Variants in PITPNM1 observed in about 807,000 individuals in gnomAD.
PITPNM1 encodes the protein membrane-associated phosphatidylinositol transfer protein 1.
Under a neutral mutation model 133.3 loss-of-function variants are expected in PITPNM1, and 74 were observed. The ratio of observed to expected loss-of-function variants is 0.56; its 90% CI spans 0.46 to 0.67. PITPNM1 has a LOEUF of 0.67. Among genes scored for constraint, PITPNM1 ranks in the 30% least tolerant of loss-of-function variants. The pLI is 0.00. For synonymous variants in PITPNM1, 738 were observed against 741.4 expected (o/e 1.00, Z 0.08); for missense variants, 1,398 against 1,739.5 (o/e 0.80, Z 3.49).
rs769771394 is a variant in PITPNM1, at chr11:67,493,051, G to A, written c.3354C>T (p.Asn1118=). The A allele has an allele frequency of 1.2e-6, 2 of 1,613,016 alleles. No homozygotes were observed. The highest frequency in any genetic ancestry group is 1.1e-5 in the South Asian group (1 of 91,092). ...TGGGAGACCCATAACCGGCCACGAT[G>A]TTCAGTTCTACCTGTGGCGGGAGAT... ...LQSLVQEVEL[N]IVAGYGSPKD... is the part of the protein sequence containing the mutation. Residue 1118 remains asparagine (N), a synonymous_variant, in exon 23 of 24, where the codon AAC becomes AAT. Transcript: ENST00000356404.
At position 67,498,938 on chromosome 11, in the gene PITPNM1, G is replaced by A. The variant is rs746993778; in HGVS notation, c.1233+2C>T. Reference sequence around the variant, plus strand: ...TGACATGGGGTGGCTGACCATACTCGCCTCTGAGTCCCTGGGTGCTTGGGC... The same window carrying A: ...TGACATGGGGTGGCTGACCATACTCACCTCTGAGTCCCTGGGTGCTTGGGC... On this transcript the variant is annotated splice_donor_variant, in intron 9 of 23. Transcript: ENST00000356404. LOFTEE classifies it low-confidence loss of function (GC_TO_GT_DONOR). This position sits in a 1 kb window ranked among gnomAD's most constrained non-coding sequence, Gnocchi z 5.7. 37 of 1,612,490 alleles carry A rather than the reference G, an allele frequency of 2.3e-5. No individual in the cohort carries two copies. The highest frequency in any genetic ancestry group is 7.7e-5 in the South Asian group (7 of 91,028).
chr11:67,492,347 C>T (rs551757628), intron 23 of PITPNM1, 51 bp from the exon 24 acceptor site: 36 of 1,490,798 alleles, frequency 2.4e-5, no homozygotes, highest in South Asian at 4.1e-5. Context: ...AGGGCCCACA[C>T]GCTGCCCTCC....
At chr11:67,501,486 C>T (rs1438338378) in intron 5 of PITPNM1, among the ~76,000 whole-genome samples, 3 of 152,146 alleles carry the variant, frequency 2.0e-5, no homozygotes, top group Non-Finnish European at 4.4e-5. Flanking sequence ...GTGGGGAATC[C>T]CAGAGAGAAT....
At chr11:67,492,884 G>A (rs1156835443) in intron 23 of PITPNM1, 50 bp downstream of exon 23, 1 of 1,586,228 alleles carries the variant, frequency 6.3e-7, no homozygotes, top group African/African-American at 1.3e-5. Context: ...TGGGACTGAG[G>A]GCCCTGCCCC....
In PITPNM1 at chr11:67,500,423, T is replaced by G. The variant is rs1466411443; in HGVS notation, c.641-2A>C. ...CCCGCAGCATCACCCGACGCAGACC[T>G]GCAGGTGCCCAGGCGTCAGAACTGC... On this transcript the variant is annotated splice_acceptor_variant, in intron 5 of 23. Transcript: ENST00000356404. LOFTEE classifies it high-confidence loss of function. 1 of 1,605,736 alleles carries G rather than the reference T, an allele frequency of 6.2e-7. No individual in the cohort carries two copies. The highest frequency in any genetic ancestry group is 1.1e-5 in the South Asian group (1 of 90,920).
intron 8 of PITPNM1, among the ~76,000 whole-genome samples, chr11:67,499,240 C>T (rs1196970579): frequency 2.0e-5 from 3 of 152,172 alleles, no homozygotes; most frequent in Non-Finnish European, 4.4e-5. Flanking sequence ...GCAAACTTCT[C>T]TAACCCTGCC....
At chr11:67,497,152 TGA>T (rs1866145682) in intron 14 of PITPNM1, 77 bp downstream of exon 14, 1 of 1,214,682 alleles carries the variant, frequency 8.2e-7, no homozygotes, top group African/African-American at 1.5e-5. Flanking sequence ...ATGCCTCGGA[TGA>T]GAGGGAAGGC....
chr11:67,496,412 A>C, intron 14 of PITPNM1, 64 bp from the exon 15 acceptor site: 2 of 1,465,088 alleles, frequency 1.4e-6, no homozygotes, highest in Non-Finnish European at 1.8e-6. Flanking sequence ...TCTGGGAGGT[A>C]GGGGGTGTGG....
At position 67,493,984 on chromosome 11, in the gene PITPNM1, G is replaced by A; in HGVS notation, c.2946C>T (p.Thr982=). 6.2e-7 allele frequency: 1 copy of A among 1,612,024 alleles called. No individual in the cohort carries two copies. Among genetic ancestry groups the A allele is most frequent in the Non-Finnish European group, 8.5e-7 (1 of 1,179,618 alleles). The change falls in exon 20 of 24, where the codon ACC becomes ACT. Residue 982 remains threonine (T), a synonymous_variant. Coordinates refer to ENST00000356404, the MANE Select transcript of PITPNM1 (RefSeq NM_004910.3). ...GCGCGCGTTCTGGGGGAACTGGGAA[G>A]GTGAGGCGGCCCGAGCTATTGGTGA... The part of the protein sequence containing the change: ...TEVTNSSGRL[T]FPVPPERALG...
Position 67,498,942 on chromosome 11 carries a change from C to G in PITPNM1, c.1231G>C (p.Glu411Gln). The G allele has an allele frequency of 6.2e-7, 1 of 1,612,862 alleles. No individual in the cohort carries two copies. Among genetic ancestry groups the G allele is most frequent in the African/African-American group, 1.3e-5 (1 of 75,012 alleles). ...ATGGGGTGGCTGACCATACTCGCCTCTGAGTCCCTGGGTGCTTGGGCCCCA... is the reference window on the plus strand; with the variant it reads ...ATGGGGTGGCTGACCATACTCGCCTGTGAGTCCCTGGGTGCTTGGGCCCCA... Reference protein sequence around the residue: ...EDGAQAPRDSEGLDGAGELGA... With the variant: ...EDGAQAPRDSQGLDGAGELGA... The change falls in exon 9 of 24, where the codon GAG (glutamate) becomes CAG (glutamine). Residue 411 changes from glutamate to glutamine, a missense_variant and splice_region_variant. By Grantham distance (29) the Glu-to-Gln change is conservative (BLOSUM62 2). Transcript: ENST00000356404. The surrounding 1 kb of genome is among the most constrained non-coding windows in gnomAD (Gnocchi z 5.7).
Position 67,492,979 on chromosome 11 carries a change from G to A in PITPNM1, c.3426C>T (p.Thr1142=), listed in dbSNP as rs759497147. Residue 1142 remains threonine (T), a synonymous_variant, in exon 23 of 24, where the codon ACC becomes ACT. Coordinates refer to ENST00000356404, the MANE Select transcript of PITPNM1 (RefSeq NM_004910.3). The part of the protein sequence containing the change: ...YAALGLSPSQ[T]YIVGRAVRKL... ...TCCGCACGGCACGGCCCACGATGTA[G>A]GTCTGGCTCGGGGACAGCCCCAGCG... is the stretch of plus-strand genomic sequence containing the variant. 1 of 1,613,030 alleles carries A rather than the reference G, an allele frequency of 6.2e-7. No homozygotes were observed. Among genetic ancestry groups the A allele is most frequent in the Admixed American group, 1.7e-5 (1 of 60,022 alleles).
rs140488259 is a variant in PITPNM1 at position 67,499,013 on chromosome 11, C to T, written c.1172-12G>A. On this transcript the variant is annotated splice_polypyrimidine_tract_variant and intron_variant, in intron 8 of 23. Coordinates refer to ENST00000356404, the MANE Select transcript of PITPNM1 (RefSeq NM_004910.3). Reference sequence around the variant, plus strand: ...CTCGGCTCCAGGCTCTGCAGGGCAACGAAGCCAGTGAGAGGGACGGAGAGG... The same window carrying T: ...CTCGGCTCCAGGCTCTGCAGGGCAATGAAGCCAGTGAGAGGGACGGAGAGG... 56 of 1,608,152 alleles carry T rather than the reference C, an allele frequency of 3.5e-5. 1 individual carries two copies. In the Middle Eastern group the frequency reaches 5.0e-4, roughly 14 times the overall value.
At chr11:67,493,180 C>T in intron 22 of PITPNM1, 118 bp from the exon 23 acceptor site, 1 of 1,313,620 alleles carries the variant, frequency 7.6e-7, no homozygotes, top group Non-Finnish European at 1.1e-6. Flanking sequence ...GAGGCGAAGA[C>T]AGGTCCCAGT....
chr11:67,491,925 G>A lies in PITPNM1; in HGVS notation c.*108C>T. The A allele has an allele frequency of 8.0e-7, 1 of 1,256,906 alleles. No homozygotes were observed. Among genetic ancestry groups the A allele is most frequent in the Non-Finnish European group, 1.1e-6 (1 of 905,770 alleles). The allele number at this position is 1,256,906 out of a possible 1,614,324, so 77.9% of individuals were successfully genotyped here. On this transcript the variant is annotated 3_prime_UTR_variant, in exon 24 of 24. Coordinates refer to ENST00000356404, the MANE Select transcript of PITPNM1 (RefSeq NM_004910.3). ...ACGGAGATATAGGGTGTGGGGCTGG[G>A]GGGGCCAGCGCTGGGGCCAAAAGTC...
At chr11:67,499,250 C>G (rs1458844734) in intron 8 of PITPNM1, among the ~76,000 whole-genome samples, 2 of 152,122 alleles carry the variant, frequency 1.3e-5, no homozygotes, top group East Asian at 3.9e-4. Flanking sequence ...CTAACCCTGC[C>G]CTGTCCAATG....
Position 67,504,344 on chromosome 11 carries a change from A to G in PITPNM1, c.-41-123T>C. ...TCCGGGCCCGCCACGAGGGAGGCAGAGGCGAGCCTAGCACCGCCGCCCGCG... is the reference window on the plus strand; with the variant it reads ...TCCGGGCCCGCCACGAGGGAGGCAGGGGCGAGCCTAGCACCGCCGCCCGCG... On this transcript the variant is annotated intron_variant, in intron 1 of 23. Transcript: ENST00000356404. This position sits in a 1 kb window ranked among gnomAD's most constrained non-coding sequence, Gnocchi z 5.4. 3.1e-6 allele frequency: 1 copy of G among 325,672 alleles called. No homozygotes were observed. Among genetic ancestry groups the G allele is most frequent in the Non-Finnish European group, 5.4e-6 (1 of 184,040 alleles). 20.2% of individuals were successfully genotyped at this position (325,672 alleles called of 1,614,324 possible). A position where few individuals can be genotyped will look rare whatever the true frequency, so the allele number is the denominator to read the frequency against.
chr11:67,499,758 G>C lies in PITPNM1; in HGVS notation c.1136C>G (p.Ala379Gly). The change falls in exon 8 of 24, where the codon GCC becomes GGC. Residue 379 changes from alanine (A) to glycine (G), a missense_variant. Around this residue, in one of 5 missense-constraint regions of PITPNM1, gnomAD observed 195 missense variants for 178.8 expected, o/e 1.09. Transcript: ENST00000356404. ...TKWNSNDFID[A>G]FASPVEAEGT... ...CTCTGCCTCCACTGGGGAGGCAAAG[G>C]CATCAATGAAGTCATTGGAGTTCCA... The C allele has an allele frequency of 6.6e-7, 1 of 1,515,082 alleles. No homozygotes were observed. Among genetic ancestry groups the C allele is most frequent in the South Asian group, 1.3e-5 (1 of 76,556 alleles). The allele number at this position is 1,515,082 out of a possible 1,614,324, so 93.9% of individuals were successfully genotyped here.
In PITPNM1 at chr11:67,496,164, G is replaced by A; in HGVS notation, c.2317+14C>T. 1 of 1,503,284 alleles carries A rather than the reference G, an allele frequency of 6.7e-7. No homozygotes were observed. Among genetic ancestry groups the A allele is most frequent in the African/African-American group, 1.5e-5 (1 of 68,324 alleles). The allele number at this position is 1,503,284 out of a possible 1,614,324, so 93.1% of individuals were successfully genotyped here. On this transcript the variant is annotated intron_variant, in intron 15 of 23. Transcript: ENST00000356404. ...CCCTCCTCCTTCTCCCCTTTATCTT[G>A]TTTGGGGGCGTACCCAGCAGCAGGG...
Position 67,497,920 on chromosome 11 carries a change from G to A in PITPNM1, c.1779C>T (p.Ser593=). Residue 593 remains serine (S), a synonymous_variant, in exon 12 of 24, where the codon AGC becomes AGT. Coordinates refer to ENST00000356404, the MANE Select transcript of PITPNM1 (RefSeq NM_004910.3). ...TGSRGSSRRG[S]MNNELLSPEF... is the part of the protein sequence containing the mutation. Reference sequence around the variant, plus strand: ...GGCCGGGTTTGGCTATACTGACCATGCTCCCACGGCGGCTGCTGCCCCGAC... The same window carrying A: ...GGCCGGGTTTGGCTATACTGACCATACTCCCACGGCGGCTGCTGCCCCGAC... 1.2e-6 allele frequency: 2 copies of A among 1,610,568 alleles called. No homozygotes were observed. Among genetic ancestry groups the A allele is most frequent in the South Asian group, 2.2e-5 (2 of 91,074 alleles).
Sources: gnomAD v4.1 joint callset for allele counts (sites outside exome capture counted in the v4.1 genomes callset) on GRCh38, gnomAD v4.1.1 for gene constraint, gnomAD v4.1.1 regional missense constraint, Gnocchi (gnomAD v3.1) non-coding constraint, MANE v1.5 for transcripts, NCBI Gene and HGNC (gene_info 2026-07-23, HGNC 2026-07-21) for gene names.